SHTN1: variants seen among roughly 807,000 people sequenced by gnomAD.
SHTN1 encodes the protein shootin 1.
In SHTN1, 42 loss-of-function variants were observed where a neutral mutation model predicts 83.1. That is an observed-to-expected ratio of 0.51 (90% CI 0.39 to 0.65). SHTN1 has a LOEUF of 0.65. SHTN1 is among the 30% of genes least tolerant of loss of function. SHTN1 has a pLI of 0.00. For missense variants in SHTN1, 622 were observed against 737.8 expected (o/e 0.84, Z 1.82); for synonymous variants, 224 against 247.7 (o/e 0.90, Z 0.90).
chr10:116,952,921 A>G (rs1849826215), intron 5 of SHTN1, among the ~76,000 whole-genome samples: 1 of 152,216 alleles, frequency 6.6e-6, no homozygotes, highest in Non-Finnish European at 1.5e-5. Flanking sequence ...CTAATCCAGA[A>G]AGAAGAACAT....
chr10:116,916,240 A>C, intron 12 of SHTN1, among the ~76,000 whole-genome samples: 1 of 152,236 alleles, frequency 6.6e-6, no homozygotes, highest in Non-Finnish European at 1.5e-5. Flanking sequence ...GGATGAATGT[A>C]ACTGAGGTGA....
chr10:116,905,908 G>C (rs942733408), intron 15 of SHTN1, among the ~76,000 whole-genome samples: 1 of 152,154 alleles, frequency 6.6e-6, no homozygotes, highest in Admixed American at 6.5e-5. Context: ...ACATTTTGAG[G>C]CCTAATACAG....
intron 2 of SHTN1, among the ~76,000 whole-genome samples, chr10:117,011,340 T>C (rs1458730161): frequency 6.6e-6 from 1 of 152,232 alleles, no homozygotes; most frequent in Non-Finnish European, 1.5e-5. Flanking sequence ...CCAATACCAC[T>C]TGTTAAATGG....
At chr10:117,052,052 T>C (rs2133589116) in intron 1 of SHTN1, among the ~76,000 whole-genome samples, 1 of 71,424 alleles carries the variant, frequency 1.4e-5, no homozygotes, top group South Asian at 3.8e-4. Flanking sequence ...CAAAGAAAAT[T>C]TCTAGAGCTA....
chr10:117,018,333 A>G (rs1381336533), intron 2 of SHTN1, among the ~76,000 whole-genome samples: 1 of 152,126 alleles, frequency 6.6e-6, no homozygotes, highest in Non-Finnish European at 1.5e-5. Context: ...CTACACATCA[A>G]CTGGCATCTA....
intron 2 of SHTN1, among the ~76,000 whole-genome samples, chr10:116,978,346 C>T (rs931863944): frequency 4.6e-5 from 7 of 152,140 alleles, no homozygotes; most frequent in African/African-American, 1.7e-4. Context: ...TGAGGTTTCA[C>T]AATTTAGAGC....
chr10:116,979,681 A>C (rs959948553), intron 1 of SHTN1, among the ~76,000 whole-genome samples: 3 of 152,262 alleles, frequency 2.0e-5, no homozygotes, highest in Admixed American at 6.5e-5. Context: ...CCCATGATCC[A>C]GGAGAGGTGA....
intron 1 of SHTN1, among the ~76,000 whole-genome samples, chr10:117,120,539 C>T (rs567229339): frequency 3.9e-5 from 6 of 152,198 alleles, no homozygotes; most frequent in South Asian, 2.1e-4. Flanking sequence ...TAAGCCACAG[C>T]GCCTGGCCCC....
At chr10:116,914,421 G>A (rs1589802139) in intron 13 of SHTN1, among the ~76,000 whole-genome samples, 1 of 151,672 alleles carries the variant, frequency 6.6e-6, no homozygotes, top group Non-Finnish European at 1.5e-5. Context: ...GCAGTGAGCC[G>A]AGATTGCGCC....
At chr10:116,926,246 A>G (rs1405007592) in intron 11 of SHTN1, among the ~76,000 whole-genome samples, 2 of 152,154 alleles carry the variant, frequency 1.3e-5, no homozygotes, top group Non-Finnish European at 2.9e-5. Flanking sequence ...CTGAGAATAA[A>G]AATTAAAGGC....
chr10:116,881,529 C>A lies in SHTN1; in HGVS notation c.*4815G>T. ...ACTTTAAATAGGTTTCAAAGAAGAACACACTTTTTTTTACTTTAATGAGGA... is the reference window on the plus strand; with the variant it reads ...ACTTTAAATAGGTTTCAAAGAAGAAAACACTTTTTTTTACTTTAATGAGGA... On this transcript the variant is annotated 3_prime_UTR_variant, in exon 17 of 17. Transcript: ENST00000355371. 1 of 1,543,262 alleles carries A rather than the reference C, an allele frequency of 6.5e-7. No individual in the cohort carries two copies. Among genetic ancestry groups the A allele is most frequent in the South Asian group, 1.2e-5 (1 of 82,806 alleles).
intron 4 of SHTN1, among the ~76,000 whole-genome samples, chr10:116,955,921 A>G (rs1446348422): frequency 6.6e-6 from 1 of 152,186 alleles, no homozygotes; most frequent in Non-Finnish European, 1.5e-5. Context: ...ATCATTTCCC[A>G]ACACCTCTTC....
At chr10:117,084,927 C>G (rs1457797585) in intron 1 of SHTN1, among the ~76,000 whole-genome samples, 1 of 152,150 alleles carries the variant, frequency 6.6e-6, no homozygotes, top group Admixed American at 6.5e-5. Context: ...CTGACCTGCG[C>G]CCACTGTCTG....
intron 2 of SHTN1, among the ~76,000 whole-genome samples, chr10:117,028,683 G>A (rs755733267): frequency 2.2e-4 from 33 of 152,154 alleles, no homozygotes; most frequent in Non-Finnish European, 2.9e-4. Flanking sequence ...TGCTTTAGAC[G>A]GTGGAAGCTG....
intron 2 of SHTN1, among the ~76,000 whole-genome samples, chr10:117,030,973 A>G (rs1852406685): frequency 6.6e-6 from 1 of 152,166 alleles, no homozygotes; most frequent in Non-Finnish European, 1.5e-5. Context: ...GACTTCCCAA[A>G]CCTAGAGAAA....
chr10:117,011,109 G>A (rs1852096858), intron 2 of SHTN1, among the ~76,000 whole-genome samples: 1 of 152,194 alleles, frequency 6.6e-6, no homozygotes, highest in Non-Finnish European at 1.5e-5. Context: ...AGTTGGAAAG[G>A]AGGACGTAAA....
chr10:116,993,017 C>CTTTTTTTT (rs35364697), intron 1 of SHTN1, among the ~76,000 whole-genome samples: 4 of 121,202 alleles, frequency 3.3e-5, no homozygotes, highest in South Asian at 2.6e-4. Flanking sequence ...TCTTTTTTTT[C>CTTTTTTTT]TTTTTTTTTT....
chr10:117,026,527 A>G (rs747674579), intron 2 of SHTN1, among the ~76,000 whole-genome samples: 10 of 151,790 alleles, frequency 6.6e-5, no homozygotes, highest in Non-Finnish European at 1.3e-4. Context: ...AATTCAAGCA[A>G]TTCTCCTGCC....
chr10:117,037,610 A>G (rs1589906145), intron 2 of SHTN1, among the ~76,000 whole-genome samples: 1 of 152,174 alleles, frequency 6.6e-6, no homozygotes, highest in Non-Finnish European at 1.5e-5. Flanking sequence ...ATATTGAAGG[A>G]TAAGAACGCA....
Sources: allele counts gnomAD v4.1 joint callset (sites outside exome capture counted in the v4.1 genomes callset), GRCh38; gene constraint gnomAD v4.1.1; transcripts MANE v1.5; gene names NCBI Gene and HGNC (gene_info 2026-07-23, HGNC 2026-07-21).